R3HDM4: variants seen among roughly 807,000 people sequenced by gnomAD.
R3HDM4 encodes R3H domain-containing protein 4.
Under a neutral mutation model 31.3 loss-of-function variants are expected in R3HDM4, and 30 were observed. That is an observed-to-expected ratio of 0.96 (90% CI 0.72 to 1.30). The LOEUF (loss-of-function observed/expected upper bound fraction) is 1.30, where lower values mean the gene tolerates loss of function less well. Ranked by LOEUF, R3HDM4 falls within the 50% of genes most tolerant of loss-of-function variation. R3HDM4 has a pLI of 0.00. For synonymous variants in R3HDM4, 196 were observed against 156.6 expected (o/e 1.25, Z -1.88); for missense variants, 444 against 366.1 (o/e 1.21, Z -1.74).
In R3HDM4 at chr19:899,747, G is replaced by T. The variant is rs2036800714; in HGVS notation, c.562-61C>A. The T allele has an allele frequency of 2.9e-6, 4 of 1,360,412 alleles. No individual in the cohort carries two copies. In the South Asian group the frequency reaches 5.8e-5, roughly 20 times the overall value. 84.3% of individuals were successfully genotyped at this position (1,360,412 alleles called of 1,614,324 possible). A position where few individuals can be genotyped will look rare whatever the true frequency, so the allele number is the denominator to read the frequency against. On this transcript the variant is annotated intron_variant, in intron 5 of 7. Coordinates refer to ENST00000361574, the MANE Select transcript of R3HDM4 (RefSeq NM_138774.4). The surrounding 1 kb of genome is among the most constrained non-coding windows in gnomAD (Gnocchi z 6.8). ...GACCTGTGGGTGGGGGGCCAGGGAG[G>T]TCCAGGGCCCCCAGGAGCCCACAGC...
chr19:902,310 G>T, intron 1 of R3HDM4, 180 bp from the exon 2 acceptor site: 1 of 650,092 alleles, frequency 1.5e-6, no homozygotes. Context: ...ACAGGAAGCA[G>T]ATACAATTGT....
Position 897,543 on chromosome 19 carries a change from G to A in R3HDM4, c.704-3C>T, listed in dbSNP as rs777479149. 3.1e-6 allele frequency: 5 copies of A among 1,607,720 alleles called. No homozygotes were observed. The highest frequency in any genetic ancestry group is 1.7e-6 in the Non-Finnish European group (2 of 1,177,098). On this transcript the variant is annotated splice_polypyrimidine_tract_variant and splice_region_variant and intron_variant, in intron 7 of 7. Coordinates refer to ENST00000361574, the MANE Select transcript of R3HDM4 (RefSeq NM_138774.4). ...CCGCTTCCCCTCCAGGTCAGCACCTGCAGACGGGACCAGCGGGGCAAGAAC... is the reference window on the plus strand; with the variant it reads ...CCGCTTCCCCTCCAGGTCAGCACCTACAGACGGGACCAGCGGGGCAAGAAC...
chr19:905,945 C>T (rs577046375), intron 1 of R3HDM4, among the ~76,000 whole-genome samples: 6 of 152,294 alleles, frequency 3.9e-5, no homozygotes, highest in Non-Finnish European at 7.4e-5. Context: ...ACTGCCTCCT[C>T]GCCAGGCTGC....
At chr19:903,426 G>A (rs1011576990) in intron 1 of R3HDM4, among the ~76,000 whole-genome samples, 3 of 152,122 alleles carry the variant, frequency 2.0e-5, no homozygotes, top group Admixed American at 2.0e-4. Flanking sequence ...GGAATAGGCA[G>A]CCGCCTGGGA....
At chr19:906,999 A>C (rs367829750) in intron 1 of R3HDM4, among the ~76,000 whole-genome samples, 1 of 151,902 alleles carries the variant, frequency 6.6e-6, no homozygotes, top group Non-Finnish European at 1.5e-5. Flanking sequence ...TATTTTCAGT[A>C]GAGACGGGGT....
Position 901,408 on chromosome 19 carries a change from G to T in R3HDM4, c.351+14C>A. The T allele has an allele frequency of 6.2e-7, 1 of 1,601,214 alleles. No individual in the cohort carries two copies. On this transcript the variant is annotated intron_variant, in intron 3 of 7. Coordinates refer to ENST00000361574, the MANE Select transcript of R3HDM4 (RefSeq NM_138774.4). ...GTCCCCGTGTGGAGGGAGTGAGGGG[G>T]TTGGGGGCCACACCTCCACATAGGT...
At chr19:908,332 C>T (rs1461147245) in intron 1 of R3HDM4, among the ~76,000 whole-genome samples, 5 of 151,678 alleles carry the variant, frequency 3.3e-5, no homozygotes, top group East Asian at 3.9e-4. Flanking sequence ...CCTGGCCGGG[C>T]GCAGTGGTTC....
At position 899,014 on chromosome 19, in the gene R3HDM4, T is replaced by G. The variant is rs1408151340; in HGVS notation, c.703+426A>C. On this transcript the variant is annotated intron_variant, in intron 7 of 7. Coordinates refer to ENST00000361574, the MANE Select transcript of R3HDM4 (RefSeq NM_138774.4). This position sits in a 1 kb window ranked among gnomAD's most constrained non-coding sequence, Gnocchi z 6.8. Reference sequence around the variant, plus strand: ...CTGAGACTGCGCCCCGTTGGAAAAGTGGAGCGCAGGGGCCAGTAGGGGGTC... The same window carrying G: ...CTGAGACTGCGCCCCGTTGGAAAAGGGGAGCGCAGGGGCCAGTAGGGGGTC... Among the ~76,000 whole-genome samples the G allele has an allele frequency of 6.6e-6, 1 of 152,020 alleles. No homozygotes were observed. Among genetic ancestry groups the G allele is most frequent in the Non-Finnish European group, 1.5e-5 (1 of 67,984 alleles).
At position 899,982 on chromosome 19, in the gene R3HDM4, G is replaced by T; in HGVS notation, c.561+79C>A. The T allele has an allele frequency of 1.4e-6, 2 of 1,404,560 alleles. No homozygotes were observed. Among genetic ancestry groups the T allele is most frequent in the South Asian group, 1.2e-5 (1 of 85,842 alleles). 87.0% of individuals were successfully genotyped at this position (1,404,560 alleles called of 1,614,324 possible). On this transcript the variant is annotated intron_variant, in intron 5 of 7. Transcript: ENST00000361574. This position sits in a 1 kb window ranked among gnomAD's most constrained non-coding sequence, Gnocchi z 6.8. ...TCCCCTGACACGACCTGCACCGGGT[G>T]AGAACCTGTGCCTGGGAAACGGGCC... is the stretch of plus-strand genomic sequence containing the variant.
chr19:901,551 G>GTGGA lies in R3HDM4; in HGVS notation c.227-9_227-6dup. Reference sequence around the variant, plus strand: ...GCAGGGTCAGGAGGTACTGGGCTAGGTGGAAACAGATGCTCTCTGGGCCGG... The same window carrying GTGGA: ...GCAGGGTCAGGAGGTACTGGGCTAGGTGGATGGAAACAGATGCTCTCTGGGCCGG... On this transcript the variant is annotated splice_polypyrimidine_tract_variant and splice_region_variant and intron_variant, in intron 2 of 7. Coordinates refer to ENST00000361574, the MANE Select transcript of R3HDM4 (RefSeq NM_138774.4). 6.2e-7 allele frequency: 1 copy of GTGGA among 1,600,832 alleles called. No individual in the cohort carries two copies.
chr19:899,701 C>T lies in R3HDM4; in HGVS notation c.562-15G>A, dbSNP rs768806300. The T allele has an allele frequency of 1.3e-5, 20 of 1,554,990 alleles. No individual in the cohort carries two copies. The South Asian group carries it at 2.4e-4, about 18-fold the overall frequency. ...TCCAGCGTTTCCTGGGGAGAGCGGC[C>T]CGGTGGTCAGGGAACTGCGGGACCT... On this transcript the variant is annotated splice_polypyrimidine_tract_variant and intron_variant, in intron 5 of 7. Coordinates refer to ENST00000361574, the MANE Select transcript of R3HDM4 (RefSeq NM_138774.4). The surrounding 1 kb of genome is among the most constrained non-coding windows in gnomAD (Gnocchi z 6.8).
At chr19:901,058 T>C in intron 3 of R3HDM4, 106 bp from the exon 4 acceptor site, 1 of 1,361,092 alleles carries the variant, frequency 7.3e-7, no homozygotes, top group Non-Finnish European at 9.9e-7. Context: ...GACGCGCTCC[T>C]GCGGTCACCT....
Position 913,053 on chromosome 19 carries a change from CGG to C in R3HDM4, c.71+32_71+33del. On this transcript the variant is annotated intron_variant, in intron 1 of 7. Coordinates refer to ENST00000361574, the MANE Select transcript of R3HDM4 (RefSeq NM_138774.4). The surrounding 1 kb of genome is among the most constrained non-coding windows in gnomAD (Gnocchi z 5.0). ...CAGGGGAGGGAGCCCAGCCCGCCCC[CGG>C]CGCCCGCCGCGCCCCGCCCGCCCGC... The C allele has an allele frequency of 1.1e-6, 1 of 934,438 alleles. No homozygotes were observed. Among genetic ancestry groups the C allele is most frequent in the Non-Finnish European group, 1.3e-6 (1 of 771,756 alleles). The allele number at this position is 934,438 out of a possible 1,614,324, so 57.9% of individuals were successfully genotyped here.
At position 913,063 on chromosome 19, in the gene R3HDM4, CGCG is replaced by C; in HGVS notation, c.71+21_71+23del. ...AGCCCAGCCCGCCCCCGGCGCCCGC[CGCG>C]CCCCGCCCGCCCGCGCTCACAGCAG... On this transcript the variant is annotated intron_variant, in intron 1 of 7. Transcript: ENST00000361574. This position sits in a 1 kb window ranked among gnomAD's most constrained non-coding sequence, Gnocchi z 5.0. 1 of 1,016,746 alleles carries C rather than the reference CGCG, an allele frequency of 9.8e-7. No homozygotes were observed. The highest frequency in any genetic ancestry group is 1.2e-6 in the Non-Finnish European group (1 of 846,426). The allele number at this position is 1,016,746 out of a possible 1,614,324, so 63.0% of individuals were successfully genotyped here.
At chr19:904,788 A>G (rs888780929) in intron 1 of R3HDM4, among the ~76,000 whole-genome samples, 2 of 151,756 alleles carry the variant, frequency 1.3e-5, no homozygotes, top group Non-Finnish European at 2.9e-5. Flanking sequence ...AAAAGAAAAA[A>G]AAAATGCAGT....
At chr19:910,653 T>A (rs2036960003) in intron 1 of R3HDM4, among the ~76,000 whole-genome samples, 1 of 152,238 alleles carries the variant, frequency 6.6e-6, no homozygotes, top group Admixed American at 6.6e-5. Flanking sequence ...TGCTCCAGCC[T>A]GGCCAATAGA....
rs2037003151 is a variant in R3HDM4, at chr19:913,109, T to A, written c.49A>T (p.Thr17Ser). The A allele has an allele frequency of 9.3e-7, 1 of 1,080,114 alleles. No homozygotes were observed. The highest frequency in any genetic ancestry group is 7.2e-5 in the East Asian group (1 of 13,986). The allele number at this position is 1,080,114 out of a possible 1,614,324, so 66.9% of individuals were successfully genotyped here. A position where few individuals can be genotyped will look rare whatever the true frequency, so the allele number is the denominator to read the frequency against. The stretch of plus-strand genomic sequence containing the variant: ...CACAGCAGCCGCCGCCCGCCCGGGG[T>A]GCCCTCCGCCGCCTCCGGGCCGCAC... ...PECGPEAAEG[T>S]PGGRRLLPLP... The change falls in exon 1 of 8, where the codon ACC becomes TCC. Residue 17 changes from threonine to serine, a missense_variant. Transcript: ENST00000361574. The surrounding 1 kb of genome is among the most constrained non-coding windows in gnomAD (Gnocchi z 5.0).
At chr19:904,770 T>C (rs1284121420) in intron 1 of R3HDM4, among the ~76,000 whole-genome samples, 1 of 150,234 alleles carries the variant, frequency 6.7e-6, no homozygotes, top group Non-Finnish European at 1.5e-5. Flanking sequence ...ACCAAGACTC[T>C]GTCTTAAAAA....
At chr19:910,087 A>G (rs10407432) in intron 1 of R3HDM4, among the ~76,000 whole-genome samples, 5,054 of 152,184 alleles carry the variant, frequency 0.033, 282 homozygotes, top group African/African-American at 0.11. Flanking sequence ...GCACTTTGGG[A>G]GGCCAAGGCC....
Sources: allele counts gnomAD v4.1 joint callset (sites outside exome capture counted in the v4.1 genomes callset), GRCh38; gene constraint gnomAD v4.1.1; non-coding constraint Gnocchi (gnomAD v3.1); transcripts MANE v1.5; gene names NCBI Gene and HGNC (gene_info 2026-07-23, HGNC 2026-07-21).